The following ITPK1 variants were observed in gnomAD, a reference collection of about 807,000 sequenced individuals.
The protein encoded by ITPK1 is inositol-tetrakisphosphate 1-kinase.
Under a neutral mutation model 45.3 loss-of-function variants are expected in ITPK1, and 21 were observed. The ratio of observed to expected loss-of-function variants is 0.46; its 90% CI spans 0.33 to 0.67. The LOEUF is 0.67. Ranked by LOEUF, ITPK1 falls within the 30% of genes least tolerant of loss-of-function variation. ITPK1 has a pLI of 0.02. For synonymous variants in ITPK1, 258 were observed against 253.6 expected (o/e 1.02, Z -0.16); for missense variants, 474 against 573.5 (o/e 0.83, Z 1.77).
chr14:92,956,141 A>G (rs529384344), intron 8 of ITPK1, among the ~76,000 whole-genome samples: 120 of 147,210 alleles, frequency 8.2e-4, no homozygotes, highest in African/African-American at 3.0e-3. Flanking sequence ...TTTTTTTAAG[A>G]GGCAAGGTCT....
At chr14:93,114,843 C>A (rs964746053) in intron 2 of ITPK1, among the ~76,000 whole-genome samples, 1 of 152,154 alleles carries the variant, frequency 6.6e-6, no homozygotes, top group African/African-American at 2.4e-5. Context: ...TGCACCTGAA[C>A]GCCCCGGTCC....
chr14:92,976,234 C>A (rs1885933351), intron 5 of ITPK1, among the ~76,000 whole-genome samples: 1 of 152,202 alleles, frequency 6.6e-6, no homozygotes, highest in African/African-American at 2.4e-5. Flanking sequence ...TGTGGGACTT[C>A]TCAGTCTCTA....
chr14:92,981,628 C>A (rs565427166), intron 5 of ITPK1, among the ~76,000 whole-genome samples: 1 of 152,214 alleles, frequency 6.6e-6, no homozygotes, highest in Non-Finnish European at 1.5e-5. Context: ...TGAAAACATT[C>A]TTCCCTCCTT....
At chr14:92,999,818 T>C (rs529931804) in intron 4 of ITPK1, among the ~76,000 whole-genome samples, 3 of 152,370 alleles carry the variant, frequency 2.0e-5, no homozygotes, top group African/African-American at 4.8e-5. Flanking sequence ...GCAAGGGCTT[T>C]TGGAATATTA....
chr14:93,076,897 C>T lies in ITPK1; in HGVS notation c.96-278G>A, dbSNP rs1253230745. On this transcript the variant is annotated intron_variant, in intron 2 of 10. Transcript: ENST00000267615. This position sits in a 1 kb window ranked among gnomAD's most constrained non-coding sequence, Gnocchi z 4.3. ...CACCTCCCTCCACTCCTGGGCCGGG[C>T]CTCTGTCAGCCGAGCTCCAGCCTGG... is the stretch of plus-strand genomic sequence containing the variant. Among the ~76,000 whole-genome samples, 1 of 152,166 alleles carries T rather than the reference C, an allele frequency of 6.6e-6. No homozygotes were observed. The highest frequency in any genetic ancestry group is 2.4e-5 in the African/African-American group (1 of 41,424).
At chr14:93,081,219 A>G (rs905545847) in intron 2 of ITPK1, among the ~76,000 whole-genome samples, 3 of 151,744 alleles carry the variant, frequency 2.0e-5, no homozygotes, top group Non-Finnish European at 4.4e-5. Flanking sequence ...CTGTAATCCC[A>G]GCTACTTGGG....
At chr14:93,003,988 A>G (rs1320549767) in intron 4 of ITPK1, among the ~76,000 whole-genome samples, 1 of 152,200 alleles carries the variant, frequency 6.6e-6, no homozygotes, top group African/African-American at 2.4e-5. Context: ...AGATTATTTG[A>G]TTCTGTGATG....
intron 7 of ITPK1, 87 bp downstream of exon 7, chr14:92,962,268 A>T: frequency 1.0e-6 from 1 of 955,356 alleles, no homozygotes; most frequent in Non-Finnish European, 1.7e-6. Flanking sequence ...GAGCAGTGGC[A>T]GTGAGGAATC....
chr14:93,088,336 G>GATT (rs1555375229), intron 2 of ITPK1, among the ~76,000 whole-genome samples: 1 of 126,632 alleles, frequency 7.9e-6, no homozygotes, highest in Non-Finnish European at 1.5e-5. Context: ...TTTTGGTTTT[G>GATT]TTTTGTTTTT....
chr14:93,006,214 C>T (rs1887606875), intron 4 of ITPK1, among the ~76,000 whole-genome samples: 1 of 152,198 alleles, frequency 6.6e-6, no homozygotes, highest in Non-Finnish European at 1.5e-5. Context: ...TGGTCAAACT[C>T]GGTGTCCCAG....
chr14:92,939,875 CAGT>C lies in ITPK1; in HGVS notation c.*1683_*1685del, dbSNP rs1377461472. On this transcript the variant is annotated 3_prime_UTR_variant, in exon 11 of 11. Coordinates refer to ENST00000267615, the MANE Select transcript of ITPK1 (RefSeq NM_014216.6). Reference sequence around the variant, plus strand: ...ACACGTGTGAAATGCGGTTTGATTTCAGTAGTTTATTTTGGAGACAAAGCAGTG... The same window carrying C: ...ACACGTGTGAAATGCGGTTTGATTTCAGTTTATTTTGGAGACAAAGCAGTG... The C allele has an allele frequency of 1.0e-6, 1 of 985,684 alleles. No individual in the cohort carries two copies. Among genetic ancestry groups the C allele is most frequent in the Non-Finnish European group, 1.2e-6 (1 of 829,948 alleles). The allele number at this position is 985,684 out of a possible 1,614,324, so 61.1% of individuals were successfully genotyped here.
chr14:93,018,493 C>T (rs954970733), intron 3 of ITPK1, among the ~76,000 whole-genome samples: 3 of 152,120 alleles, frequency 2.0e-5, no homozygotes, highest in African/African-American at 4.8e-5. Flanking sequence ...CTCTTTCTTA[C>T]TGTTTGCCAG....
intron 4 of ITPK1, among the ~76,000 whole-genome samples, chr14:93,003,184 T>C (rs1391722514): frequency 6.6e-6 from 1 of 152,080 alleles, no homozygotes; most frequent in Non-Finnish European, 1.5e-5. Flanking sequence ...AGTTGTACTT[T>C]CGAAGGCAGA....
At chr14:93,073,880 C>T (rs1225341500) in intron 3 of ITPK1, among the ~76,000 whole-genome samples, 1 of 152,196 alleles carries the variant, frequency 6.6e-6, no homozygotes, top group Non-Finnish European at 1.5e-5. Context: ...GGTGGCTGCA[C>T]AGAACGGGAG....
In ITPK1 at chr14:92,937,993, C is replaced by T. The variant is rs527998465; in HGVS notation, c.*3568G>A. On this transcript the variant is annotated 3_prime_UTR_variant, in exon 11 of 11. Coordinates refer to ENST00000267615, the MANE Select transcript of ITPK1 (RefSeq NM_014216.6). ...TTTGTTTGTTTTTTGAGGAGTCTTG[C>T]TCTGTTGCCAGGCTGGAGTGCAGTG... is the stretch of plus-strand genomic sequence containing the variant. 7.2e-5 allele frequency: 12 copies of T among 166,108 alleles called. No homozygotes were observed. The South Asian group carries it at 1.9e-3, about 27-fold the overall frequency. 10.3% of individuals were successfully genotyped at this position (166,108 alleles called of 1,614,324 possible).
Position 93,076,446 on chromosome 14 carries a change from A to T in ITPK1, c.120+149T>A. ...GTCTGCCCAGGCCAGGGCAGAAACCACATCAAATCCACAGGGGAGCTAAAA... is the reference window on the plus strand; with the variant it reads ...GTCTGCCCAGGCCAGGGCAGAAACCTCATCAAATCCACAGGGGAGCTAAAA... On this transcript the variant is annotated intron_variant, in intron 3 of 10. Coordinates refer to ENST00000267615, the MANE Select transcript of ITPK1 (RefSeq NM_014216.6). The surrounding 1 kb of genome is among the most constrained non-coding windows in gnomAD (Gnocchi z 4.3). 2 of 877,174 alleles carry T rather than the reference A, an allele frequency of 2.3e-6. No individual in the cohort carries two copies. Among genetic ancestry groups the T allele is most frequent in the African/African-American group, 1.7e-5 (1 of 59,148 alleles). The allele number at this position is 877,174 out of a possible 1,614,324, so 54.3% of individuals were successfully genotyped here.
At chr14:93,110,584 T>C (rs1293438480) in intron 2 of ITPK1, among the ~76,000 whole-genome samples, 3 of 152,146 alleles carry the variant, frequency 2.0e-5, no homozygotes, top group Non-Finnish European at 4.4e-5. Flanking sequence ...CCCAAGCCAG[T>C]TTACTGTTGA....
chr14:92,979,473 GCT>G (rs1886107539), intron 5 of ITPK1, among the ~76,000 whole-genome samples: 1 of 152,100 alleles, frequency 6.6e-6, no homozygotes, highest in African/African-American at 2.4e-5. Context: ...ATATGGTTTG[GCT>G]CTGTGTCCCC....
In ITPK1 at chr14:93,032,838, T is replaced by C. The variant is rs1030481298; in HGVS notation, c.121-16037A>G. ...AGCGTACTCCACAGCTCTGAGCAGC[T>C]GCTCAGGGAATCGGGTGACAAAGGC... On this transcript the variant is annotated intron_variant, in intron 3 of 10. Coordinates refer to ENST00000267615, the MANE Select transcript of ITPK1 (RefSeq NM_014216.6). The surrounding 1 kb of genome is among the most constrained non-coding windows in gnomAD (Gnocchi z 4.0). Among the ~76,000 whole-genome samples the C allele has an allele frequency of 6.6e-6, 1 of 152,216 alleles. No individual in the cohort carries two copies. Among genetic ancestry groups the C allele is most frequent in the Admixed American group, 6.5e-5 (1 of 15,286 alleles).
Sources: allele counts gnomAD v4.1 joint callset (sites outside exome capture counted in the v4.1 genomes callset), GRCh38; gene constraint gnomAD v4.1.1; non-coding constraint Gnocchi (gnomAD v3.1); transcripts MANE v1.5; gene names NCBI Gene and HGNC (gene_info 2026-07-23, HGNC 2026-07-21).